Variants in CCDC27 observed in about 807,000 individuals in gnomAD.
The protein encoded by CCDC27 is coiled-coil domain containing 27.
CCDC27 carries 80 observed loss-of-function variants against 80.3 expected under a neutral mutation model. The ratio of observed to expected loss-of-function variants is 1.00; its 90% CI spans 0.83 to 1.20. The LOEUF is 1.20. Ranked by LOEUF, CCDC27 falls within the 50% of genes most tolerant of loss-of-function variation. The pLI is 0.00. For missense variants in CCDC27, 815 were observed against 809.4 expected (o/e 1.01, Z -0.08); for synonymous variants, 342 against 334.3 (o/e 1.02, Z -0.25).
At chr1:3,756,571 CA>C (rs1169096314) in intron 3 of CCDC27, 161 bp from the exon 4 acceptor site, 4 of 716,382 alleles carry the variant, frequency 5.6e-6, no homozygotes, top group Non-Finnish European at 9.3e-6. Context: ...ACTGTGTCCT[CA>C]AAATGAGGGT....
rs1416935135 is a variant in CCDC27 at position 3,761,661 on chromosome 1, G to A, written c.861+231G>A. Among the ~76,000 whole-genome samples, 1 of 152,154 alleles carries A rather than the reference G, an allele frequency of 6.6e-6. No homozygotes were observed. The highest frequency in any genetic ancestry group is 2.4e-5 in the African/African-American group (1 of 41,452). Reference sequence around the variant, plus strand: ...GCCATGAGCTGATGCAACAGGGGGGGGAGAGATGAATGGAGGCGCAAAATG... The same window carrying A: ...GCCATGAGCTGATGCAACAGGGGGGAGAGAGATGAATGGAGGCGCAAAATG... On this transcript the variant is annotated intron_variant, in intron 5 of 11. Transcript: ENST00000294600. This position sits in a 1 kb window ranked among gnomAD's most constrained non-coding sequence, Gnocchi z 5.0.
rs1428959050 is a variant in CCDC27, at chr1:3,763,265, A to AAGGAGGGAAGCGGAGGAGGGAAG, written c.1112_1113insAGGAGGGAAGCGGAGGAGGGAAG (p.Glu372GlyfsTer79). The AAGGAGGGAAGCGGAGGAGGGAAG allele has an allele frequency of 3.2e-6, 5 of 1,582,376 alleles. No homozygotes were observed. In the South Asian group the frequency reaches 5.7e-5, roughly 18 times the overall value. ...GGATCCGTGCATGAGGAGGGAAGCG[A>AAGGAGGGAAGCGGAGGAGGGAAG]GGAGGAGGAAGAGGAGGAAGGGGAC... is the stretch of plus-strand genomic sequence containing the variant. On this transcript the variant is annotated frameshift_variant, in exon 7 of 12. Transcript: ENST00000294600. LOFTEE classifies it high-confidence loss of function. The surrounding 1 kb of genome is among the most constrained non-coding windows in gnomAD (Gnocchi z 7.5).
chr1:3,767,702 G>A lies in CCDC27; in HGVS notation c.1743+257G>A, dbSNP rs369068798. On this transcript the variant is annotated intron_variant, in intron 10 of 11. Coordinates refer to ENST00000294600, the MANE Select transcript of CCDC27 (RefSeq NM_152492.3). ...GGCGGAGCCCCATGGGCAGGGCTGC[G>A]GGTCTTGGGTTGCATTGTGAAGGGG... 1.8e-4 allele frequency among the ~76,000 whole-genome samples: 28 copies of A among 152,358 alleles called. No homozygotes were observed. In the South Asian group the frequency reaches 5.8e-3, roughly 32 times the overall value.
chr1:3,762,020 C>A (rs923872852), intron 5 of CCDC27, among the ~76,000 whole-genome samples: 1 of 152,064 alleles, frequency 6.6e-6, no homozygotes, highest in African/African-American at 2.4e-5. Context: ...GGGATGCTAC[C>A]CCACCTCTAG....
rs1053931652 is a variant in CCDC27, at chr1:3,755,710, G to T, written c.553+143G>T. ...TGAGGACTCACACAGAAAGGCCTCCGGGCCTCCCTTGTGCAGAACTAGCCC... is the reference window on the plus strand; with the variant it reads ...TGAGGACTCACACAGAAAGGCCTCCTGGCCTCCCTTGTGCAGAACTAGCCC... On this transcript the variant is annotated intron_variant, in intron 3 of 11. Transcript: ENST00000294600. 2.0e-5 allele frequency: 14 copies of T among 688,182 alleles called. No homozygotes were observed. In the African/African-American group the frequency reaches 2.5e-4, roughly 12 times the overall value. 42.6% of individuals were successfully genotyped at this position (688,182 alleles called of 1,614,324 possible). A position where few individuals can be genotyped will look rare whatever the true frequency, so the allele number is the denominator to read the frequency against.
intron 4 of CCDC27, among the ~76,000 whole-genome samples, chr1:3,759,025 A>G (rs560347663): frequency 2.8e-4 from 43 of 151,714 alleles, no homozygotes; most frequent in Admixed American, 2.8e-3. Context: ...CCTGGCCAAC[A>G]TAGTGAAACC....
At position 3,769,592 on chromosome 1, in the gene CCDC27, C is replaced by T. The variant is rs557473933; in HGVS notation, c.1744-191C>T. Among the ~76,000 whole-genome samples, 13 of 152,194 alleles carry T rather than the reference C, an allele frequency of 8.5e-5. No homozygotes were observed. Among genetic ancestry groups the T allele is most frequent in the Admixed American group, 2.0e-4 (3 of 15,292 alleles). On this transcript the variant is annotated intron_variant, in intron 10 of 11. Transcript: ENST00000294600. This position sits in a 1 kb window ranked among gnomAD's most constrained non-coding sequence, Gnocchi z 4.6. ...GCCGCACAGGGTCAGGGGTTGGATC[C>T]GGCACCTCCTAGCTCTCAGACAATC... is the stretch of plus-strand genomic sequence containing the variant.
intron 10 of CCDC27, among the ~76,000 whole-genome samples, chr1:3,767,698 C>T (rs973357625): frequency 2.0e-5 from 3 of 152,340 alleles, no homozygotes; most frequent in African/African-American, 7.2e-5. Flanking sequence ...ATGGGCAGGG[C>T]TGCGGGTCTT....
rs1371229324 is a variant in CCDC27, at chr1:3,767,453, C to T, written c.1743+8C>T. 2 of 1,604,138 alleles carry T rather than the reference C, an allele frequency of 1.2e-6. No homozygotes were observed. Among genetic ancestry groups the T allele is most frequent in the Non-Finnish European group, 1.7e-6 (2 of 1,174,874 alleles). Reference sequence around the variant, plus strand: ...GAGAGCTCCCAGTCCAGGGTATGCCCAGCCCTTCCTCCTGAGGGTCTGTCC... The same window carrying T: ...GAGAGCTCCCAGTCCAGGGTATGCCTAGCCCTTCCTCCTGAGGGTCTGTCC... On this transcript the variant is annotated splice_region_variant and intron_variant, in intron 10 of 11. Transcript: ENST00000294600.
chr1:3,768,088 CTTTTTTTTTTT>C lies in CCDC27; in HGVS notation c.1743+655_1743+665del, dbSNP rs775378587. On this transcript the variant is annotated intron_variant, in intron 10 of 11. Coordinates refer to ENST00000294600, the MANE Select transcript of CCDC27 (RefSeq NM_152492.3). The surrounding 1 kb of genome is among the most constrained non-coding windows in gnomAD (Gnocchi z 5.6). ...AAAAGGAAATCAATAAAGAGCTGAC[CTTTTTTTTTTT>C]TTTTTTTTTTTCTGAGACAGGGTCT... 5.7e-4 allele frequency among the ~76,000 whole-genome samples: 69 copies of C among 120,340 alleles called. 1 individual carries two copies. The highest frequency in any genetic ancestry group is 1.8e-3 in the African/African-American group (56 of 31,400). 78.9% of individuals were successfully genotyped at this position (120,340 alleles called of 152,430 possible).
Position 3,767,278 on chromosome 1 carries a change from A to T in CCDC27, c.1576A>T (p.Ile526Phe), listed in dbSNP as rs1417761213. The T allele has an allele frequency of 6.2e-7, 1 of 1,614,080 alleles. No individual in the cohort carries two copies. Among genetic ancestry groups the T allele is most frequent in the Non-Finnish European group, 8.5e-7 (1 of 1,180,010 alleles). The change falls in exon 10 of 12, where the codon ATC becomes TTC. Residue 526 changes from isoleucine to phenylalanine, a missense_variant. Coordinates refer to ENST00000294600, the MANE Select transcript of CCDC27 (RefSeq NM_152492.3). Reference sequence around the variant, plus strand: ...AAAGCTCACCAAGCGGGACTGTGTCATCTCAGAGTTGGACACCAAGGTCAG... The same window carrying T: ...AAAGCTCACCAAGCGGGACTGTGTCTTCTCAGAGTTGGACACCAAGGTCAG... ...ERKLTKRDCV[I>F]SELDTKVSQL...
Position 3,755,492 on chromosome 1 carries a change from G to A in CCDC27, c.478G>A (p.Asp160Asn), listed in dbSNP as rs1642929800. Reference sequence around the variant, plus strand: ...TGAGGCCGATTTGTCCGGAGAGATTGACAACAGCTCGGAGACCTGGAGAGG... The same window carrying A: ...TGAGGCCGATTTGTCCGGAGAGATTAACAACAGCTCGGAGACCTGGAGAGG... ...PTEADLSGEIDNSSETWRGTQ... is the reference protein window; with the variant it reads ...PTEADLSGEINNSSETWRGTQ... The change falls in exon 3 of 12, where the codon GAC (aspartate) becomes AAC (asparagine). Residue 160 changes from aspartate (D) to asparagine (N), a missense_variant. Physicochemically the swap from Asp to Asn is conservative, Grantham distance 23. Transcript: ENST00000294600. 6.2e-7 allele frequency: 1 copy of A among 1,614,048 alleles called. No individual in the cohort carries two copies. The highest frequency in any genetic ancestry group is 8.5e-7 in the Non-Finnish European group (1 of 1,180,028).
Position 3,762,671 on chromosome 1 carries a change from G to A in CCDC27, c.913G>A (p.Ala305Thr), listed in dbSNP as rs192243643. 14 of 1,549,930 alleles carry A rather than the reference G, an allele frequency of 9.0e-6. No individual in the cohort carries two copies. The African/African-American group carries it at 1.6e-4, about 18-fold the overall frequency. The change falls in exon 6 of 12, where the codon GCC becomes ACC. Residue 305 changes from alanine to threonine, a missense_variant. Ala to Thr is a moderately conservative substitution (Grantham distance 58). Coordinates refer to ENST00000294600, the MANE Select transcript of CCDC27 (RefSeq NM_152492.3). ...LKLGRLSLLK[A>T]FSRHEEELQH... is the part of the protein sequence containing the mutation. ...GCTGGGCAGGCTGAGCCTCCTGAAG[G>A]CCTTCTCCAGACATGAGGAGGAGCT...
chr1:3,761,638 CA>C lies in CCDC27; in HGVS notation c.861+209del, dbSNP rs950192435. On this transcript the variant is annotated intron_variant, in intron 5 of 11. Coordinates refer to ENST00000294600, the MANE Select transcript of CCDC27 (RefSeq NM_152492.3). This position sits in a 1 kb window ranked among gnomAD's most constrained non-coding sequence, Gnocchi z 5.0. ...GAGGCACGAAATGACAAATGAGAGC[CA>C]TGAGCTGATGCAACAGGGGGGGGAG... Among the ~76,000 whole-genome samples the C allele has an allele frequency of 5.1e-4, 76 of 148,798 alleles. No homozygotes were observed. The highest frequency in any genetic ancestry group is 1.7e-3 in the African/African-American group (69 of 41,384).
At chr1:3,771,285 C>A in intron 11 of CCDC27, 116 bp from the exon 12 acceptor site, 1 of 1,316,658 alleles carries the variant, frequency 7.6e-7, no homozygotes, top group Non-Finnish European at 1.1e-6. Context: ...GCAAGCCTCT[C>A]TGGAGGAGGA....
In CCDC27 at chr1:3,767,842, T is replaced by C. The variant is rs540939084; in HGVS notation, c.1743+397T>C. Among the ~76,000 whole-genome samples the C allele has an allele frequency of 7.9e-5, 12 of 152,326 alleles. No individual in the cohort carries two copies. The East Asian group carries it at 2.1e-3, about 27-fold the overall frequency. On this transcript the variant is annotated intron_variant, in intron 10 of 11. Coordinates refer to ENST00000294600, the MANE Select transcript of CCDC27 (RefSeq NM_152492.3). ...ACCAGGCACCATTCTAAGTACCTTC[T>C]TGGTATCAAAGTCATGTAGCTCCTT...
In CCDC27 at chr1:3,771,422, GACT is replaced by G. The variant is rs1323005277; in HGVS notation, c.1875_1877del (p.Tyr626del). 1.2e-6 allele frequency: 2 copies of G among 1,614,020 alleles called. No homozygotes were observed. ...GTAGAGAATTATCTCAGAGAGAAGC[GACT>G]ACTATAATCAGCTGAAGCAGAAAGG... is the stretch of plus-strand genomic sequence containing the variant. On this transcript the variant is annotated inframe_deletion, in exon 12 of 12. Coordinates refer to ENST00000294600, the MANE Select transcript of CCDC27 (RefSeq NM_152492.3).
At chr1:3,762,938 G>A (rs752721684) in intron 6 of CCDC27, 170 bp from the exon 7 acceptor site, 31 of 890,604 alleles carry the variant, frequency 3.5e-5, no homozygotes, top group Non-Finnish European at 5.1e-5. Flanking sequence ...AGGCCACAGT[G>A]CCTGGGCCAC....
At chr1:3,759,017 T>C (rs540548067) in intron 4 of CCDC27, among the ~76,000 whole-genome samples, 146 of 151,472 alleles carry the variant, frequency 9.6e-4, no homozygotes, top group Admixed American at 1.8e-3. Context: ...AAGACCAGCC[T>C]GGCCAACATA....
Sources: gnomAD v4.1 joint callset for allele counts (sites outside exome capture counted in the v4.1 genomes callset) on GRCh38, gnomAD v4.1.1 for gene constraint, Gnocchi (gnomAD v3.1) non-coding constraint, MANE v1.5 for transcripts, NCBI Gene and HGNC (gene_info 2026-07-23, HGNC 2026-07-21) for gene names.